HIPK3: variants seen among roughly 807,000 people sequenced by gnomAD.
The protein encoded by HIPK3 is homeodomain-interacting protein kinase 3.
HIPK3 carries 47 observed loss-of-function variants against 124.2 expected under a neutral mutation model. That is an observed-to-expected ratio of 0.38 (90% CI 0.30 to 0.48). The LOEUF (loss-of-function observed/expected upper bound fraction) is 0.48. HIPK3 is among the 20% of genes least tolerant of loss of function. HIPK3 has a pLI of 0.98. For missense variants in HIPK3, 1,286 were observed against 1,454.3 expected, an observed-to-expected ratio of 0.88 and a Z score of 1.88; for synonymous variants, 482 against 515.2, an observed-to-expected ratio of 0.94 and a Z score of 0.87.
At chr11:33,307,759 T>C (rs1229756682) in intron 2 of HIPK3, among the ~76,000 whole-genome samples, 2 of 151,336 alleles carry the variant, frequency 1.3e-5, no homozygotes, top group Non-Finnish European at 2.9e-5. Flanking sequence ...CTTGTTGGTG[T>C]GTGTGTGTGT....
intron 1 of HIPK3, among the ~76,000 whole-genome samples, chr11:33,282,861 TGA>T (rs745936722): frequency 5.9e-5 from 9 of 152,130 alleles, no homozygotes; most frequent in Non-Finnish European, 1.3e-4. Context: ...GAGGATCATT[TGA>T]GAACAGGAAT....
At chr11:33,263,812 A>G (rs1850886792) in intron 1 of HIPK3, among the ~76,000 whole-genome samples, 1 of 152,088 alleles carries the variant, frequency 6.6e-6, no homozygotes, top group African/African-American at 2.4e-5. Context: ...TTGTTTCTTC[A>G]ATCTGAGAGA....
At chr11:33,296,136 A>G (rs892082456) in intron 2 of HIPK3, among the ~76,000 whole-genome samples, 2 of 152,128 alleles carry the variant, frequency 1.3e-5, no homozygotes, top group South Asian at 4.1e-4. Flanking sequence ...TGGGTTGTAA[A>G]TATCACTCAT....
intron 6 of HIPK3, among the ~76,000 whole-genome samples, chr11:33,340,690 T>C (rs573832253): frequency 4.4e-4 from 54 of 123,586 alleles, no homozygotes; most frequent in African/African-American, 1.6e-3. Context: ...AAGTTTTTCG[T>C]GTAGGGGATC....
chr11:33,298,735 A>G (rs1296885621), intron 2 of HIPK3, among the ~76,000 whole-genome samples: 1 of 152,246 alleles, frequency 6.6e-6, no homozygotes, highest in East Asian at 1.9e-4. Context: ...TGGAAATAGC[A>G]AGAGAACTAT....
At chr11:33,262,882 A>G (rs1020926295) in intron 1 of HIPK3, among the ~76,000 whole-genome samples, 2 of 151,832 alleles carry the variant, frequency 1.3e-5, no homozygotes, top group Non-Finnish European at 2.9e-5. Context: ...TAGTGGTATG[A>G]TCATAGCTCA....
intron 4 of HIPK3, among the ~76,000 whole-genome samples, chr11:33,337,688 T>G (rs1415726326): frequency 2.0e-5 from 3 of 151,366 alleles, no homozygotes; most frequent in Non-Finnish European, 4.4e-5. Flanking sequence ...CTTTTTCTTT[T>G]TTTGAGACAA....
At chr11:33,258,641 G>C (rs1201250234) in intron 1 of HIPK3, 1 of 985,276 alleles carries the variant, frequency 1.0e-6, no homozygotes, top group Admixed American at 6.1e-5. Flanking sequence ...AAAGACTTTG[G>C]ATGAAAATGT....
intron 2 of HIPK3, among the ~76,000 whole-genome samples, chr11:33,314,580 C>T (rs999987478): frequency 6.6e-6 from 1 of 152,072 alleles, no homozygotes; most frequent in African/African-American, 2.4e-5. Context: ...TGCTTGAACC[C>T]GGCAGGCAGA....
At chr11:33,331,579 A>T (rs12274084) in intron 3 of HIPK3, among the ~76,000 whole-genome samples, 2 of 151,940 alleles carry the variant, frequency 1.3e-5, no homozygotes, top group Non-Finnish European at 2.9e-5. Flanking sequence ...CTCTTTCTCT[A>T]TGTTGCCCAA....
At chr11:33,276,812 T>C (rs1041918935) in intron 1 of HIPK3, among the ~76,000 whole-genome samples, 2 of 152,148 alleles carry the variant, frequency 1.3e-5, no homozygotes, top group African/African-American at 4.8e-5. Flanking sequence ...TTCAAGTGAT[T>C]CCCATGCCTC....
intron 1 of HIPK3, among the ~76,000 whole-genome samples, chr11:33,272,146 C>CT (rs1376839100): frequency 1.3e-5 from 2 of 152,024 alleles, no homozygotes. Context: ...GCCTGTAATC[C>CT]CAGCACTTTG....
chr11:33,350,114 C>T (rs1853612977), intron 14 of HIPK3, among the ~76,000 whole-genome samples: 1 of 152,092 alleles, frequency 6.6e-6, no homozygotes, highest in Non-Finnish European at 1.5e-5. Context: ...TAATTTCAGC[C>T]CCACAGACTA....
At chr11:33,282,877 A>G (rs941555359) in intron 1 of HIPK3, among the ~76,000 whole-genome samples, 1 of 152,208 alleles carries the variant, frequency 6.6e-6, no homozygotes, top group Admixed American at 6.5e-5. Context: ...CAGGAATTCA[A>G]GACCAGCGTG....
chr11:33,259,453 AAT>A (rs1345652526), intron 1 of HIPK3, among the ~76,000 whole-genome samples: 1 of 152,248 alleles, frequency 6.6e-6, no homozygotes, highest in Non-Finnish European at 1.5e-5. Context: ...AAGTAAACAA[AAT>A]ATGACTGACC....
intron 2 of HIPK3, among the ~76,000 whole-genome samples, chr11:33,298,295 T>G (rs1851898693): frequency 6.6e-6 from 1 of 152,232 alleles, no homozygotes; most frequent in Admixed American, 6.5e-5. Flanking sequence ...ATTTTAAGCA[T>G]GCTGTTGAGA....
At chr11:33,338,609 T>TG in intron 4 of HIPK3, 148 bp from the exon 5 acceptor site, 1 of 456,964 alleles carries the variant, frequency 2.2e-6, no homozygotes, top group Non-Finnish European at 3.8e-6. Context: ...ATTTTTTTTT[T>TG]GCGTATACTT....
chr11:33,259,508 C>G (rs977368179), intron 1 of HIPK3, among the ~76,000 whole-genome samples: 1 of 152,140 alleles, frequency 6.6e-6, no homozygotes, highest in Admixed American at 6.5e-5. Context: ...TTATCTTATG[C>G]TTTCGTGCCA....
intron 1 of HIPK3, among the ~76,000 whole-genome samples, chr11:33,269,752 C>T (rs978985404): frequency 1.2e-5 from 1 of 83,960 alleles, no homozygotes; most frequent in Non-Finnish European, 3.0e-5. Context: ...ACTAAGCTCC[C>T]CTGTATTTTT....
Sources: gnomAD v4.1 joint callset for allele counts (sites outside exome capture counted in the v4.1 genomes callset) on GRCh38, gnomAD v4.1.1 for gene constraint, MANE v1.5 for transcripts, NCBI Gene and HGNC (gene_info 2026-07-23, HGNC 2026-07-21) for gene names.